The following OPRM1 variants were observed in gnomAD, a reference collection of about 807,000 sequenced individuals.
OPRM1 encodes the protein opioid receptor mu 1, also known as mu-type opioid receptor.
In OPRM1, 27 loss-of-function variants were observed where a neutral mutation model predicts 31.8. That is an observed-to-expected ratio of 0.85 (90% confidence interval 0.63 to 1.17). The LOEUF is 1.17. Ranked by LOEUF, OPRM1 falls within the 50% of genes most tolerant of loss-of-function variation. The probability of loss-of-function intolerance (pLI) is 0.00; values close to 1 mark genes in which losing one functional copy is unlikely to be tolerated. For missense variants in OPRM1, 536 were observed against 511.1 expected (o/e 1.05, Z -0.47); for synonymous variants, 196 against 189.9 (o/e 1.03, Z -0.26).
intron 1 of OPRM1, among the ~76,000 whole-genome samples, chr6:154,047,479 T>C (rs1019370022): frequency 6.6e-6 from 1 of 152,172 alleles, no homozygotes; most frequent in Non-Finnish European, 1.5e-5. Context: ...TCTCTCATTC[T>C]CTGTTTAATT....
At chr6:154,151,120 G>A (rs933832791) in intron 3 of OPRM1, among the ~76,000 whole-genome samples, 1 of 152,206 alleles carries the variant, frequency 6.6e-6, no homozygotes, top group Non-Finnish European at 1.5e-5. Context: ...CATGCAGCTG[G>A]CTCTGCAACC....
intron 3 of OPRM1, among the ~76,000 whole-genome samples, chr6:154,202,382 A>C (rs111863540): frequency 6.6e-6 from 1 of 152,188 alleles, no homozygotes; most frequent in African/African-American, 2.4e-5. Flanking sequence ...GAGGGAATGC[A>C]CTACCCCCAA....
intron 3 of OPRM1, chr6:154,107,461 C>G (rs1442242511): frequency 1.8e-5 from 13 of 718,428 alleles, no homozygotes; most frequent in Admixed American, 6.0e-5. Context: ...GACTTACTTT[C>G]TAGGTGGAAT....
intron 3 of OPRM1, among the ~76,000 whole-genome samples, chr6:154,219,517 CG>C (rs1778680730): frequency 6.6e-6 from 1 of 152,112 alleles, no homozygotes; most frequent in African/African-American, 2.4e-5. Context: ...TGAGGCTCAG[CG>C]GCGGACTGAC....
intron 3 of OPRM1, among the ~76,000 whole-genome samples, chr6:154,101,408 G>A (rs1036095483): frequency 1.4e-4 from 22 of 152,180 alleles, no homozygotes; most frequent in African/African-American, 4.3e-4. Context: ...AGGGAAATGG[G>A]AGGAACAATT....
Position 154,053,189 on chromosome 6 carries a change from C to G in OPRM1, c.290+13355C>G, listed in dbSNP as rs570886013. The stretch of plus-strand genomic sequence containing the variant: ...GCTTTGTGGTTATCTTAAGTAAGTG[C>G]AGTTTGCTAGGCTTGTCACAGTATT... On this transcript the variant is annotated intron_variant, in intron 1 of 3. Transcript: ENST00000330432. Among the ~76,000 whole-genome samples the G allele has an allele frequency of 9.9e-5, 15 of 152,276 alleles. No individual in the cohort carries two copies. In the South Asian group the frequency reaches 3.1e-3, roughly 32 times the overall value.
intron 3 of OPRM1, among the ~76,000 whole-genome samples, chr6:154,236,500 T>C (rs563033947): frequency 2.0e-5 from 3 of 152,146 alleles, no homozygotes; most frequent in Admixed American, 1.3e-4. Flanking sequence ...AATAAGAAAT[T>C]AAGCAATGCC....
intron 1 of OPRM1, among the ~76,000 whole-genome samples, chr6:154,033,414 C>T (rs542173958): frequency 2.6e-5 from 4 of 152,182 alleles, no homozygotes; most frequent in South Asian, 4.2e-4. Flanking sequence ...TTAACACCAA[C>T]GAGAGTCTTT....
chr6:154,022,695 AG>A (rs1258605692), intron 1 of OPRM1, among the ~76,000 whole-genome samples: 13 of 152,092 alleles, frequency 8.5e-5, no homozygotes, highest in Admixed American at 5.2e-4. Context: ...GAGGACTTAA[AG>A]TCTTTAATTC....
chr6:154,069,265 A>G (rs1314044520), intron 1 of OPRM1, among the ~76,000 whole-genome samples: 1 of 151,944 alleles, frequency 6.6e-6, no homozygotes, highest in African/African-American at 2.4e-5. Flanking sequence ...TTTGAGATGG[A>G]GTCTCGCTCT....
At chr6:154,180,414 A>ATATATATATATTTTT (rs1241250621) in intron 3 of OPRM1, among the ~76,000 whole-genome samples, 3 of 65,262 alleles carry the variant, frequency 4.6e-5, no homozygotes, top group African/African-American at 1.4e-4. Context: ...ATATATATAT[A>ATATATATATATTTTT]TTTTTTTTTT....
intron 3 of OPRM1, among the ~76,000 whole-genome samples, chr6:154,092,149 G>C (rs1283756573): frequency 6.6e-6 from 1 of 151,778 alleles, no homozygotes; most frequent in African/African-American, 2.4e-5. Flanking sequence ...GAGATAATAG[G>C]GTGAATAGCG....
At chr6:154,023,341 C>A (rs1778498500) in intron 1 of OPRM1, among the ~76,000 whole-genome samples, 2 of 151,872 alleles carry the variant, frequency 1.3e-5, no homozygotes, top group Admixed American at 6.5e-5. Flanking sequence ...TTCTTGATTT[C>A]TTTTTCAGAT....
intron 3 of OPRM1, among the ~76,000 whole-genome samples, chr6:154,166,217 TTCACCAATGACGAGG>T (rs1799411796): frequency 6.6e-6 from 1 of 152,238 alleles, no homozygotes; most frequent in Non-Finnish European, 1.5e-5. Flanking sequence ...AGCTGCTGAA[TTCACCAATGACGAGG>T]TCACAGAGAC....
chr6:154,096,177 C>A (rs1793349352), intron 3 of OPRM1, among the ~76,000 whole-genome samples: 1 of 152,174 alleles, frequency 6.6e-6, no homozygotes, highest in African/African-American at 2.4e-5. Context: ...CTGCCTCAGC[C>A]TCCCCAGTAG....
At chr6:154,109,790 CTCTGTGTGTGTGTGTG>C (rs1304327756) in intron 3 of OPRM1, among the ~76,000 whole-genome samples, 7 of 76,980 alleles carry the variant, frequency 9.1e-5, no homozygotes, top group African/African-American at 3.0e-4. Flanking sequence ...CTCTCTCTCT[CTCTGTGTGTGTGTGTG>C]TGTGTGTGTG....
At chr6:154,065,268 C>A (rs977273498) in intron 1 of OPRM1, among the ~76,000 whole-genome samples, 1 of 151,474 alleles carries the variant, frequency 6.6e-6, no homozygotes, top group Non-Finnish European at 1.5e-5. Flanking sequence ...TCCTGCCTCA[C>A]CCTCCCAAGT....
Position 154,076,817 on chromosome 6 carries a change from T to C in OPRM1, c.291-13009T>C, listed in dbSNP as rs77599462. ...CTTCTCTTCTAGATCTCTCACATTT[T>C]CTTCTCTATCATTTCCTTTCATTGA... On this transcript the variant is annotated intron_variant, in intron 1 of 3. Coordinates refer to ENST00000330432, the MANE Select transcript of OPRM1 (RefSeq NM_000914.5). 3.5e-3 allele frequency among the ~76,000 whole-genome samples: 534 copies of C among 152,356 alleles called. 1 individual carries two copies. The highest frequency in any genetic ancestry group is 0.012 in the African/African-American group (510 of 41,590).
intron 2 of OPRM1, 60 bp from the exon 3 acceptor site, chr6:154,090,892 A>G: frequency 3.4e-6 from 5 of 1,490,890 alleles, no homozygotes; most frequent in Non-Finnish European, 4.6e-6. Flanking sequence ...GGCAGTATTA[A>G]CACCTTATGA....
Sources: allele counts gnomAD v4.1 joint callset (sites outside exome capture counted in the v4.1 genomes callset), GRCh38; gene constraint gnomAD v4.1.1; transcripts MANE v1.5; gene names NCBI Gene and HGNC (gene_info 2026-07-23, HGNC 2026-07-21).